Variants in SMAD3 observed in about 807,000 individuals in gnomAD.
SMAD3 encodes the protein SMAD family member 3.
In SMAD3, 12 loss-of-function variants were observed where a neutral mutation model predicts 51.8. The observed-to-expected ratio is 0.23, with a 90% CI of 0.15 to 0.38. SMAD3 has a LOEUF of 0.38. Among genes scored for constraint, SMAD3 ranks in the 10% least tolerant of loss-of-function variants. SMAD3 has a pLI of 1.00. For synonymous variants in SMAD3, 238 were observed against 227.7 expected, an observed-to-expected ratio of 1.05 and a Z score of -0.41; for missense variants, 294 against 565.6, an observed-to-expected ratio of 0.52 and a Z score of 4.87.
intron 1 of SMAD3, among the ~76,000 whole-genome samples, chr15:67,162,276 G>A (rs927350370): frequency 3.3e-5 from 5 of 152,262 alleles, no homozygotes; most frequent in African/African-American, 1.2e-4. Flanking sequence ...TCATAAGAAG[G>A]CACAGAGGGA....
intron 1 of SMAD3, among the ~76,000 whole-genome samples, chr15:67,095,061 A>C (rs927973375): frequency 5.9e-5 from 9 of 152,104 alleles, no homozygotes; most frequent in Non-Finnish European, 1.0e-4. Flanking sequence ...GGCATTGCTT[A>C]GTGTTTACCA....
At chr15:67,091,504 G>T (rs1383851688) in intron 1 of SMAD3, among the ~76,000 whole-genome samples, 1 of 152,222 alleles carries the variant, frequency 6.6e-6, no homozygotes, top group African/African-American at 2.4e-5. Flanking sequence ...TGTGGCTGTG[G>T]CCATGGTTTC....
intron 1 of SMAD3, among the ~76,000 whole-genome samples, chr15:67,130,567 G>A (rs2140252244): frequency 6.6e-6 from 1 of 152,302 alleles, no homozygotes; most frequent in African/African-American, 2.4e-5. Context: ...ATCTGAGGTG[G>A]AACAGTTTCG....
At chr15:67,102,223 C>G (rs2140225433) in intron 1 of SMAD3, among the ~76,000 whole-genome samples, 1 of 141,954 alleles carries the variant, frequency 7.0e-6, no homozygotes, top group South Asian at 2.3e-4. Flanking sequence ...TTATTCAGAT[C>G]AGTCTTGGGG....
intron 1 of SMAD3, chr15:67,077,846 G>A (rs1960203674): frequency 6.6e-6 from 1 of 152,448 alleles, no homozygotes; most frequent in Admixed American, 6.5e-5. Flanking sequence ...CCAGAGAGGA[G>A]TTGGAGAAGG....
rs1170350786 is a variant in SMAD3, at chr15:67,194,964, T to C, written c.*4428T>C. On this transcript the variant is annotated 3_prime_UTR_variant, in exon 9 of 9. Coordinates refer to ENST00000327367, the MANE Select transcript of SMAD3 (RefSeq NM_005902.4). Reference sequence around the variant, plus strand: ...GGGAATAGAACATTGACTGTGTTGATTACCTTCACTATTCGGCCAGCCTGA... The same window carrying C: ...GGGAATAGAACATTGACTGTGTTGACTACCTTCACTATTCGGCCAGCCTGA... 2.6e-5 allele frequency: 6 copies of C among 233,642 alleles called. No individual in the cohort carries two copies. Among genetic ancestry groups the C allele is most frequent in the African/African-American group, 1.1e-4 (5 of 45,330 alleles). The allele number at this position is 233,642 out of a possible 1,614,324, so 14.5% of individuals were successfully genotyped here. A position where few individuals can be genotyped will look rare whatever the true frequency, so the allele number is the denominator to read the frequency against.
chr15:67,098,351 A>G (rs62006012), intron 1 of SMAD3, among the ~76,000 whole-genome samples: 3 of 121,620 alleles, frequency 2.5e-5, no homozygotes, highest in Admixed American at 8.3e-5. Context: ...AGGGAGGGAG[A>G]GAGCGAGCGA....
rs143377350 is a variant in SMAD3, at chr15:67,188,115, T to C, written c.1154+606T>C. ...TTTTCTCGCTGAGAAATGACTTTTT[T>C]AGAGTCCTACATACTGGTTTCTTTT... On this transcript the variant is annotated intron_variant, in intron 8 of 8. Coordinates refer to ENST00000327367, the MANE Select transcript of SMAD3 (RefSeq NM_005902.4). 5.7e-4 allele frequency among the ~76,000 whole-genome samples: 86 copies of C among 151,984 alleles called. 2 individuals carry two copies. The East Asian group carries it at 0.015, about 27-fold the overall frequency.
chr15:67,091,944 G>T (rs188613652), intron 1 of SMAD3, among the ~76,000 whole-genome samples: 339 of 152,336 alleles, frequency 2.2e-3, no homozygotes, highest in African/African-American at 7.8e-3. Context: ...GGAAGCCGCT[G>T]CCTTTAGGCT....
At chr15:67,145,653 G>T (rs960212197) in intron 1 of SMAD3, among the ~76,000 whole-genome samples, 1 of 152,140 alleles carries the variant, frequency 6.6e-6, no homozygotes, top group African/African-American at 2.4e-5. Context: ...GGCGCTTACC[G>T]GTTTATGAAG....
intron 1 of SMAD3, among the ~76,000 whole-genome samples, chr15:67,159,498 T>A (rs1183211714): frequency 6.6e-6 from 1 of 152,168 alleles, no homozygotes; most frequent in African/African-American, 2.4e-5. Context: ...TTTGGAATGG[T>A]GGTATAATTT....
At chr15:67,076,898 T>C (rs952568422) in intron 1 of SMAD3, among the ~76,000 whole-genome samples, 2 of 152,106 alleles carry the variant, frequency 1.3e-5, no homozygotes, top group African/African-American at 2.4e-5. Flanking sequence ...GGGCAAGGGG[T>C]GCAGGGGCAT....
At chr15:67,158,738 A>C (rs1488766739) in intron 1 of SMAD3, among the ~76,000 whole-genome samples, 7 of 152,212 alleles carry the variant, frequency 4.6e-5, no homozygotes, top group Non-Finnish European at 8.8e-5. Context: ...TGAGATAAGG[A>C]ACACAGAAGC....
Position 67,165,266 on chromosome 15 carries a change from G to C in SMAD3, c.414G>C (p.Val138=). 6.2e-7 allele frequency: 1 copy of C among 1,614,212 alleles called. No homozygotes were observed. Among genetic ancestry groups the C allele is most frequent in the Non-Finnish European group, 8.5e-7 (1 of 1,180,038 alleles). The change falls in exon 3 of 9, where the codon GTG becomes GTC. Residue 138 remains valine, a synonymous_variant. Coordinates refer to ENST00000327367, the MANE Select transcript of SMAD3 (RefSeq NM_005902.4). ...QRVETPVLPP[V]LVPRHTEIPA... Reference sequence around the variant, plus strand: ...TCCCCCGGACAGTTCTACCTCCTGTGTTGGTGCCACGCCACACAGAGATCC... The same window carrying C: ...TCCCCCGGACAGTTCTACCTCCTGTCTTGGTGCCACGCCACACAGAGATCC...
At chr15:67,123,766 G>T (rs916561333) in intron 1 of SMAD3, among the ~76,000 whole-genome samples, 18 of 152,110 alleles carry the variant, frequency 1.2e-4, no homozygotes, top group African/African-American at 4.1e-4. Flanking sequence ...GCAACCCTTT[G>T]CCTTCTTTTT....
chr15:67,188,148 C>CTTTTTTTT (rs11367565), intron 8 of SMAD3, among the ~76,000 whole-genome samples: 12 of 116,008 alleles, frequency 1.0e-4, no homozygotes, highest in African/African-American at 1.8e-4. Context: ...TTTTCTTTTT[C>CTTTTTTTT]TTTTTTTTTT....
chr15:67,187,154 G>A (rs1238498828), intron 7 of SMAD3: 2 of 692,460 alleles, frequency 2.9e-6, no homozygotes, highest in Non-Finnish European at 5.3e-6. Flanking sequence ...ACCTCCCAGT[G>A]AGGAGATGGG....
chr15:67,066,482 G>A, intron 1 of SMAD3, 122 bp downstream of exon 1: 1 of 813,634 alleles, frequency 1.2e-6, no homozygotes, highest in Non-Finnish European at 2.0e-6. Context: ...AGACTGTGTG[G>A]GTGCGTGTGT....
intron 1 of SMAD3, among the ~76,000 whole-genome samples, chr15:67,106,652 A>G (rs772588775): frequency 6.6e-6 from 1 of 152,054 alleles, no homozygotes; most frequent in Non-Finnish European, 1.5e-5. Context: ...CTCAGTAACT[A>G]TTTACAGGCG....
Sources: allele counts gnomAD v4.1 joint callset (sites outside exome capture counted in the v4.1 genomes callset), GRCh38; gene constraint gnomAD v4.1.1; transcripts MANE v1.5; gene names NCBI Gene and HGNC (gene_info 2026-07-23, HGNC 2026-07-21).